The following SLC10A7 variants were observed in gnomAD, a reference collection of about 807,000 sequenced individuals.
SLC10A7 encodes solute carrier family 10 member 7.
In SLC10A7, 29 loss-of-function variants were observed where a neutral mutation model predicts 43.2. The ratio of observed to expected loss-of-function variants is 0.67; its 90% CI spans 0.50 to 0.92. The LOEUF (loss-of-function observed/expected upper bound fraction) is 0.92, where lower values mean the gene tolerates loss of function less well. SLC10A7 is among the 40% of genes least tolerant of loss of function. The probability of loss-of-function intolerance (pLI) is 0.00; values close to 1 mark genes in which losing one functional copy is unlikely to be tolerated. For synonymous variants in SLC10A7, 152 were observed against 144.8 expected, an observed-to-expected ratio of 1.05 and a Z score of -0.35; for missense variants, 295 against 403.2, an observed-to-expected ratio of 0.73 and a Z score of 2.30.
At chr4:146,315,599 G>A (rs1732273698) in intron 6 of SLC10A7, among the ~76,000 whole-genome samples, 3 of 152,034 alleles carry the variant, frequency 2.0e-5, no homozygotes, top group Admixed American at 2.0e-4. Context: ...ATTTAATGAA[G>A]TGTTTTCTAT....
At chr4:146,342,020 G>GAA (rs570599241) in intron 5 of SLC10A7, among the ~76,000 whole-genome samples, 1 of 151,156 alleles carries the variant, frequency 6.6e-6, no homozygotes, top group African/African-American at 2.4e-5. Flanking sequence ...ATTCCTTACA[G>GAA]AAAAAAAACA....
chr4:146,267,972 C>A (rs1578744086), intron 10 of SLC10A7, among the ~76,000 whole-genome samples: 1 of 152,172 alleles, frequency 6.6e-6, no homozygotes, highest in Non-Finnish European at 1.5e-5. Context: ...ATTTTAGTTT[C>A]CAACCTCTGA....
At chr4:146,515,909 C>CAAAAAAAAAAAAAAAAAAAAAAA (rs57840725) in intron 2 of SLC10A7, among the ~76,000 whole-genome samples, 1 of 79,228 alleles carries the variant, frequency 1.3e-5, no homozygotes, top group Non-Finnish European at 2.3e-5. Context: ...GATTCCATCT[C>CAAAAAAAAAAAAAAAAAAAAAAA]AAAAAAAAAA....
At chr4:146,285,116 T>C (rs1729805994) in intron 9 of SLC10A7, among the ~76,000 whole-genome samples, 1 of 152,068 alleles carries the variant, frequency 6.6e-6, no homozygotes, top group Non-Finnish European at 1.5e-5. Flanking sequence ...GAACAGATTC[T>C]TCAGGCTGAC....
At chr4:146,277,172 G>C (rs1265877011) in intron 10 of SLC10A7, among the ~76,000 whole-genome samples, 1 of 152,170 alleles carries the variant, frequency 6.6e-6, no homozygotes, top group African/African-American at 2.4e-5. Context: ...CGTGGAGGAA[G>C]AAGAGGAGGA....
intron 5 of SLC10A7, among the ~76,000 whole-genome samples, chr4:146,368,319 A>G (rs930905828): frequency 1.3e-5 from 2 of 152,230 alleles, no homozygotes; most frequent in Non-Finnish European, 2.9e-5. Context: ...ACAGCATGAG[A>G]GTATCTGGCT....
intron 5 of SLC10A7, among the ~76,000 whole-genome samples, chr4:146,382,689 T>C (rs1324327024): frequency 1.3e-5 from 2 of 152,290 alleles, no homozygotes; most frequent in East Asian, 1.9e-4. Context: ...TTAATATAAA[T>C]AATGTCCTCT....
At chr4:146,329,814 T>C (rs1472054273) in intron 5 of SLC10A7, among the ~76,000 whole-genome samples, 1 of 152,214 alleles carries the variant, frequency 6.6e-6, no homozygotes, top group Non-Finnish European at 1.5e-5. Context: ...CAACAATCAC[T>C]GAAAGCTAGA....
In SLC10A7 at chr4:146,305,983, G is replaced by A. The variant is rs1370531268; in HGVS notation, c.498C>T (p.Phe166=). The A allele has an allele frequency of 6.2e-7, 1 of 1,609,574 alleles. No homozygotes were observed. ...TAAAAAGCTGAGAAAAAATAGATGT[G>A]AAAGGCACAGAAGAAGATGAACCAA... ...LFLGSSSSVP[F]TSIFSQLFMT... Residue 166 remains phenylalanine, a synonymous_variant, in exon 7 of 12, where the codon TTC becomes TTT. Coordinates refer to ENST00000335472, the MANE Select transcript of SLC10A7 (RefSeq NM_001029998.6).
intron 4 of SLC10A7, among the ~76,000 whole-genome samples, chr4:146,490,941 A>T (rs1735338998): frequency 1.3e-5 from 2 of 152,356 alleles, no homozygotes; most frequent in South Asian, 2.1e-4. Flanking sequence ...CCTACACTGC[A>T]TTAAAAAGAT....
At chr4:146,485,724 G>A (rs568884924) in intron 4 of SLC10A7, among the ~76,000 whole-genome samples, 3 of 152,212 alleles carry the variant, frequency 2.0e-5, no homozygotes, top group Non-Finnish European at 2.9e-5. Context: ...TATGACCAGA[G>A]AAAGAGACTA....
At position 146,374,225 on chromosome 4, in the gene SLC10A7, T is replaced by C. The variant is rs1162701349; in HGVS notation, c.436-48229A>G. 2.6e-5 allele frequency among the ~76,000 whole-genome samples: 4 copies of C among 152,202 alleles called. No individual in the cohort carries two copies. The East Asian group carries it at 5.8e-4, about 22-fold the overall frequency. The stretch of plus-strand genomic sequence containing the variant: ...TCGAGATTACATGAGATGACACATA[T>C]AAGGGATCTAGCACAGGGCCTATTA... On this transcript the variant is annotated intron_variant, in intron 5 of 11. Transcript: ENST00000335472.
chr4:146,424,110 G>A (rs1355546678), intron 5 of SLC10A7, among the ~76,000 whole-genome samples: 1 of 152,190 alleles, frequency 6.6e-6, no homozygotes, highest in African/African-American at 2.4e-5. Flanking sequence ...GGAGTGTAGT[G>A]GCAGAATCAC....
At position 146,370,270 on chromosome 4, in the gene SLC10A7, G is replaced by A. The variant is rs559169485; in HGVS notation, c.436-44274C>T. On this transcript the variant is annotated intron_variant, in intron 5 of 11. Coordinates refer to ENST00000335472, the MANE Select transcript of SLC10A7 (RefSeq NM_001029998.6). ...ATAGAACAACTTGACCATTCTCTTC[G>A]GAACACAAGTAATAAAAAAAATCCT... 4.6e-5 allele frequency among the ~76,000 whole-genome samples: 7 copies of A among 152,012 alleles called. No homozygotes were observed. In the South Asian group the frequency reaches 1.0e-3, roughly 23 times the overall value.
In SLC10A7 at chr4:146,322,772, T is replaced by G. The variant is rs555492835; in HGVS notation, c.471+3189A>C. On this transcript the variant is annotated intron_variant, in intron 6 of 11. Transcript: ENST00000335472. ...TGGCTGGGTCAAATGGTATTTCTAG[T>G]TCTAGACCCTTGAGGAATCACCACA... is the stretch of plus-strand genomic sequence containing the variant. Among the ~76,000 whole-genome samples the G allele has an allele frequency of 1.1e-4, 16 of 152,296 alleles. No individual in the cohort carries two copies. In the East Asian group the frequency reaches 3.1e-3, roughly 29 times the overall value.
At chr4:146,456,318 T>C (rs1353050428) in intron 4 of SLC10A7, among the ~76,000 whole-genome samples, 1 of 151,932 alleles carries the variant, frequency 6.6e-6, no homozygotes, top group Non-Finnish European at 1.5e-5. Context: ...ACAGCTTTGT[T>C]TTAACCCAAC....
At chr4:146,374,415 T>A (rs1737014623) in intron 5 of SLC10A7, among the ~76,000 whole-genome samples, 1 of 151,410 alleles carries the variant, frequency 6.6e-6, no homozygotes, top group Non-Finnish European at 1.5e-5. Context: ...ATGGTGAAAT[T>A]CCCTCGCTAC....
At chr4:146,509,834 A>T (rs1737287578) in intron 3 of SLC10A7, 79 bp downstream of exon 3, 1 of 1,365,308 alleles carries the variant, frequency 7.3e-7, no homozygotes, top group Non-Finnish European at 1.0e-6. Context: ...GCCCTTTTGT[A>T]TATAGTTGCC....
intron 5 of SLC10A7, among the ~76,000 whole-genome samples, chr4:146,331,546 A>G (rs1293736760): frequency 6.6e-6 from 1 of 152,108 alleles, no homozygotes; most frequent in Non-Finnish European, 1.5e-5. Flanking sequence ...CCATTTTTAT[A>G]ATCTCCCCAG....
Sources: allele counts gnomAD v4.1 joint callset (sites outside exome capture counted in the v4.1 genomes callset), GRCh38; gene constraint gnomAD v4.1.1; transcripts MANE v1.5; gene names NCBI Gene and HGNC (gene_info 2026-07-23, HGNC 2026-07-21).